Variants in B4GALT6 observed in about 807,000 individuals in gnomAD.
The protein encoded by B4GALT6 is beta-1,4-galactosyltransferase 6.
In B4GALT6, 14 loss-of-function variants were observed where a neutral mutation model predicts 46.3. That is an observed-to-expected ratio of 0.30 (90% CI 0.20 to 0.47). The LOEUF is 0.47. Ranked by LOEUF, B4GALT6 falls within the 20% of genes least tolerant of loss-of-function variation. The pLI, the probability that B4GALT6 is intolerant of heterozygous loss-of-function variation, is 0.99. For missense variants in B4GALT6, 386 were observed against 480.1 expected (o/e 0.80, Z 1.83); for synonymous variants, 168 against 162.0 (o/e 1.04, Z -0.28).
upstream of B4GALT6, among the ~76,000 whole-genome samples, chr18:31,687,568 C>T (rs1414071961): frequency 2.0e-5 from 3 of 152,152 alleles, no homozygotes; most frequent in African/African-American, 7.2e-5. Flanking sequence ...AGAGGAATGA[C>T]CTTGCAGAAA....
At chr18:31,723,634 T>C in the B4GALT6 span, among the ~76,000 whole-genome samples, 1 of 151,634 alleles carries the variant, frequency 6.6e-6, no homozygotes, top group Non-Finnish European at 1.5e-5. Context: ...AAATTTGGAG[T>C]CCTCGTTTAT....
chr18:31,708,968 G>A, the B4GALT6 span, among the ~76,000 whole-genome samples: 13 of 152,166 alleles, frequency 8.5e-5, no homozygotes, highest in African/African-American at 2.9e-4. Flanking sequence ...TTTCACAATT[G>A]TTGCAAATTT....
chr18:31,668,680 A>AGGGAGC (rs2074311700), intron 1 of B4GALT6, among the ~76,000 whole-genome samples: 1 of 152,104 alleles, frequency 6.6e-6, no homozygotes, highest in Admixed American at 6.6e-5. Flanking sequence ...AAAAGTTTGA[A>AGGGAGC]TTGACTTCTC....
At chr18:31,679,978 G>A (rs2074461278) in intron 1 of B4GALT6, among the ~76,000 whole-genome samples, 1 of 152,130 alleles carries the variant, frequency 6.6e-6, no homozygotes, top group Non-Finnish European at 1.5e-5. Flanking sequence ...CATGCTAGAA[G>A]GGTCACTCTA....
upstream of B4GALT6, among the ~76,000 whole-genome samples, chr18:31,687,675 TG>T (rs1363507120): frequency 1.3e-5 from 2 of 152,246 alleles, no homozygotes; most frequent in Non-Finnish European, 2.9e-5. Flanking sequence ...TTTTATTTAA[TG>T]GCTTTGTTCT....
chr18:31,689,611 G>T (rs576289260), upstream of B4GALT6, among the ~76,000 whole-genome samples: 1 of 152,092 alleles, frequency 6.6e-6, no homozygotes, highest in Admixed American at 6.5e-5. Context: ...GGGCATGGTG[G>T]CGCACACCTG....
At chr18:31,630,088 GA>G (rs1245643026) in intron 6 of B4GALT6, among the ~76,000 whole-genome samples, 2 of 140,944 alleles carry the variant, frequency 1.4e-5, no homozygotes, top group African/African-American at 5.2e-5. Flanking sequence ...CGGAAGCGGG[GA>G]GGGGGAAGGA....
At chr18:31,653,008 T>C (rs1167031936) in intron 3 of B4GALT6, among the ~76,000 whole-genome samples, 2 of 151,872 alleles carry the variant, frequency 1.3e-5, no homozygotes, top group Non-Finnish European at 2.9e-5. Context: ...TGGTGTTTTT[T>C]GTTTATTTTT....
At chr18:31,723,770 A>G in the B4GALT6 span, among the ~76,000 whole-genome samples, 1 of 152,258 alleles carries the variant, frequency 6.6e-6, no homozygotes, top group African/African-American at 2.4e-5. Context: ...TCTGCCTGCC[A>G]CCCTAACTGG....
chr18:31,666,261 C>CCGTTGAGCGTACTGTTTTTATT lies in B4GALT6; in HGVS notation c.205_226dup (p.Gly76GlufsTer2). 1 of 1,576,300 alleles carries CCGTTGAGCGTACTGTTTTTATT rather than the reference C, an allele frequency of 6.3e-7. No homozygotes were observed. Among genetic ancestry groups the CCGTTGAGCGTACTGTTTTTATT allele is most frequent in the Non-Finnish European group, 8.7e-7 (1 of 1,153,578 alleles). On this transcript the variant is annotated stop_gained and frameshift_variant, in exon 2 of 9. Coordinates refer to ENST00000306851, the MANE Select transcript of B4GALT6 (RefSeq NM_004775.5). LOFTEE classifies it high-confidence loss of function. ...TAAGCAGGAAGTAGTCTTACCTGTA[C>CCGTTGAGCGTACTGTTTTTATT]CGTTGAGCGTACTGTTTTTATTTGT...
At chr18:31,705,585 C>T in the B4GALT6 span, among the ~76,000 whole-genome samples, 9 of 152,160 alleles carry the variant, frequency 5.9e-5, no homozygotes, top group Admixed American at 2.0e-4. Context: ...GTCAGGGCTT[C>T]GCCACATTGG....
chr18:31,665,648 G>A (rs1221108404), intron 2 of B4GALT6, among the ~76,000 whole-genome samples: 21 of 152,268 alleles, frequency 1.4e-4, no homozygotes, highest in Admixed American at 1.2e-3. Context: ...AGACTGAGGC[G>A]TGAGAATGGC....
At chr18:31,687,999 G>T (rs181240652), upstream of B4GALT6, among the ~76,000 whole-genome samples, 1 of 152,048 alleles carries the variant, frequency 6.6e-6, no homozygotes, top group East Asian at 1.9e-4. Context: ...AGAAATGAAA[G>T]AAAATAGTGT....
At chr18:31,626,941 CTAATA>C in intron 7 of B4GALT6, 53 bp downstream of exon 7, 1 of 1,431,166 alleles carries the variant, frequency 7.0e-7, no homozygotes, top group Non-Finnish European at 9.6e-7. Context: ...TACAATTTAC[CTAATA>C]TAAATAAGAT....
rs574604574 is a variant in B4GALT6 at position 31,651,916 on chromosome 18, G to A, written c.346+6060C>T. On this transcript the variant is annotated intron_variant, in intron 3 of 8. Coordinates refer to ENST00000306851, the MANE Select transcript of B4GALT6 (RefSeq NM_004775.5). ...CTCCCCAGTAGCTGGGACTTCAGGC[G>A]CCCGCCACCACGCCCAGCTAATTTT... 2.3e-4 allele frequency among the ~76,000 whole-genome samples: 35 copies of A among 152,074 alleles called. No individual in the cohort carries two copies. The South Asian group carries it at 2.9e-3, about 13-fold the overall frequency.
rs1265095013 is a variant in B4GALT6 at position 31,625,724 on chromosome 18, T to C, written c.1039A>G (p.Ile347Val). ...TATATTAAATTGTTCAGTCCATCGA[T>C]GTACTGACGCTCCTTGGAATACCTT... ...LLRYSKERQY[I>V]DGLNNLIYRP... is the part of the protein sequence containing the mutation. The change falls in exon 9 of 9, where the codon ATC (isoleucine) becomes GTC (valine). Residue 347 changes from isoleucine to valine, a missense_variant. By Grantham distance (29) the Ile-to-Val change is conservative. Transcript: ENST00000306851. 1.9e-6 allele frequency: 3 copies of C among 1,610,794 alleles called. No individual in the cohort carries two copies. Among genetic ancestry groups the C allele is most frequent in the Non-Finnish European group, 2.5e-6 (3 of 1,179,024 alleles).
At chr18:31,629,804 C>A (rs1256183208) in intron 6 of B4GALT6, among the ~76,000 whole-genome samples, 1 of 145,322 alleles carries the variant, frequency 6.9e-6, no homozygotes, top group Non-Finnish European at 1.5e-5. Flanking sequence ...GAGCCGAGAT[C>A]GCACCACTGC....
At chr18:31,710,814 C>CCACACACACACACACACACACA in the B4GALT6 span, among the ~76,000 whole-genome samples, 2,856 of 140,126 alleles carry the variant, frequency 0.02, 77 homozygotes, top group South Asian at 0.035. Context: ...CCTGAATACA[C>CCACACACACACACACACACACA]CACACACACA....
intron 5 of B4GALT6, among the ~76,000 whole-genome samples, chr18:31,636,279 T>C (rs946532927): frequency 2.6e-5 from 4 of 152,156 alleles, no homozygotes; most frequent in African/African-American, 4.8e-5. Context: ...AATCAATACA[T>C]TGGACTTCAT....
Sources: allele counts gnomAD v4.1 joint callset (sites outside exome capture counted in the v4.1 genomes callset), GRCh38; gene constraint gnomAD v4.1.1; transcripts MANE v1.5; gene names NCBI Gene and HGNC (gene_info 2026-07-23, HGNC 2026-07-21).